PDE11A: variants seen among roughly 807,000 people sequenced by gnomAD.
PDE11A encodes the protein dual 3',5'-cyclic-AMP and -GMP phosphodiesterase 11A.
PDE11A carries 100 observed loss-of-function variants against 100.5 expected under a neutral mutation model. The ratio of observed to expected loss-of-function variants is 1.00; its 90% CI spans 0.85 to 1.18. The LOEUF (loss-of-function observed/expected upper bound fraction) is 1.18. Among genes scored for constraint, PDE11A ranks in the 50% most tolerant of loss-of-function variants. The pLI is 0.00. For missense variants in PDE11A, 1,141 were observed against 1,152.6 expected (o/e 0.99, Z 0.15); for synonymous variants, 381 against 420.8 (o/e 0.91, Z 1.16).
At chr2:177,693,160 C>G (rs934239794) in intron 15 of PDE11A, among the ~76,000 whole-genome samples, 1 of 152,224 alleles carries the variant, frequency 6.6e-6, no homozygotes, top group Non-Finnish European at 1.5e-5. Flanking sequence ...ACCCACCCCT[C>G]TCCTGCCATT....
At chr2:178,083,723 C>T (rs1328037447) in intron 2 of PDE11A, among the ~76,000 whole-genome samples, 1 of 152,144 alleles carries the variant, frequency 6.6e-6, no homozygotes, top group African/African-American at 2.4e-5. Context: ...TAATAACTTC[C>T]TATGCAGGAA....
At chr2:177,925,918 G>A (rs114543449) in intron 2 of PDE11A, among the ~76,000 whole-genome samples, 1,730 of 152,284 alleles carry the variant, frequency 0.011, 33 homozygotes, top group African/African-American at 0.039. Context: ...TTGCAGAGGG[G>A]GAGAATCAGG....
intron 15 of PDE11A, among the ~76,000 whole-genome samples, chr2:177,696,030 A>G (rs1292348286): frequency 6.6e-6 from 1 of 152,210 alleles, no homozygotes; most frequent in Non-Finnish European, 1.5e-5. Flanking sequence ...AGGGTGTTCC[A>G]AAGGGTAATG....
chr2:177,885,667 G>C (rs572651106), intron 4 of PDE11A, among the ~76,000 whole-genome samples: 1 of 152,150 alleles, frequency 6.6e-6, no homozygotes, highest in Non-Finnish European at 1.5e-5. Context: ...CAAAGGCTGA[G>C]GCAATTTTTG....
intron 1 of PDE11A, among the ~76,000 whole-genome samples, chr2:178,066,969 GC>G (rs1300365517): frequency 6.6e-6 from 1 of 152,002 alleles, no homozygotes; most frequent in Non-Finnish European, 1.5e-5. Flanking sequence ...AGATTATGTA[GC>G]TGGCCCTACT....
At position 178,071,729 on chromosome 2, in the gene PDE11A, G is replaced by A. The variant is rs1220166457; in HGVS notation, c.709C>T (p.Arg237Cys). ...IFVCLMVDAD[R>C]CSLFLVEGAA... ...CCTTCCACCAGGAAAAGAGAGCAGCGGTCAGCATCCACCATAAGGCAGACA... is the reference window on the plus strand; with the variant it reads ...CCTTCCACCAGGAAAAGAGAGCAGCAGTCAGCATCCACCATAAGGCAGACA... Residue 237 changes from arginine (R) to cysteine (C), a missense_variant, in exon 1 of 20, where the codon CGC becomes TGC. Physicochemically the swap from Arg to Cys is radical, Grantham distance 180. Transcript: ENST00000286063. 1 of 1,614,018 alleles carries A rather than the reference G, an allele frequency of 6.2e-7. No individual in the cohort carries two copies. Among genetic ancestry groups the A allele is most frequent in the East Asian group, 2.2e-5 (1 of 44,880 alleles).
chr2:177,759,512 C>G (rs2082140910), intron 10 of PDE11A, among the ~76,000 whole-genome samples: 1 of 152,188 alleles, frequency 6.6e-6, no homozygotes, highest in Non-Finnish European at 1.5e-5. Flanking sequence ...AATCTCATAT[C>G]CTTGTTATCT....
At chr2:178,004,632 A>C (rs554680801) in intron 2 of PDE11A, among the ~76,000 whole-genome samples, 1 of 152,328 alleles carries the variant, frequency 6.6e-6, no homozygotes, top group African/African-American at 2.4e-5. Context: ...AAATCAGAGA[A>C]GAGTTTATAA....
chr2:177,945,843 C>CG (rs2085413834), intron 2 of PDE11A, among the ~76,000 whole-genome samples: 7 of 93,434 alleles, frequency 7.5e-5, no homozygotes, highest in Middle Eastern at 5.5e-3. Context: ...GTCAGCCCCC[C>CG]GCCTGGCCAG....
chr2:177,917,412 C>T (rs1361194851), intron 2 of PDE11A, among the ~76,000 whole-genome samples: 1 of 152,186 alleles, frequency 6.6e-6, no homozygotes, highest in Non-Finnish European at 1.5e-5. Context: ...TCCTTTCATC[C>T]TTGCAATGTG....
intron 2 of PDE11A, among the ~76,000 whole-genome samples, chr2:177,913,123 G>A (rs114246509): frequency 0.02 from 3,040 of 152,248 alleles, 71 homozygotes; most frequent in Non-Finnish European, 0.023. Flanking sequence ...TATACCTCAA[G>A]AAAGTTTTAA....
intron 2 of PDE11A, among the ~76,000 whole-genome samples, chr2:177,930,111 C>T (rs1401113384): frequency 3.3e-5 from 5 of 151,866 alleles, no homozygotes; most frequent in Admixed American, 6.6e-5. Flanking sequence ...TTCAATTGAT[C>T]GATTAATTAT....
At chr2:177,750,954 G>A (rs2082017437) in intron 10 of PDE11A, among the ~76,000 whole-genome samples, 1 of 152,046 alleles carries the variant, frequency 6.6e-6, no homozygotes, top group Non-Finnish European at 1.5e-5. Flanking sequence ...CTGGCCCACT[G>A]CCCAACATTT....
intron 1 of PDE11A, among the ~76,000 whole-genome samples, chr2:178,061,784 C>T (rs1007803027): frequency 5.9e-5 from 9 of 152,082 alleles, no homozygotes; most frequent in African/African-American, 2.2e-4. Flanking sequence ...ATTAATATTG[C>T]TATATTGCTA....
intron 1 of PDE11A, among the ~76,000 whole-genome samples, chr2:178,048,187 T>C (rs2086776601): frequency 6.6e-6 from 1 of 152,080 alleles, no homozygotes; most frequent in African/African-American, 2.4e-5. Flanking sequence ...AGATTGGAGA[T>C]TGTTTTATGG....
intron 9 of PDE11A, among the ~76,000 whole-genome samples, chr2:177,783,154 T>G (rs2082477465): frequency 6.6e-6 from 1 of 152,214 alleles, no homozygotes; most frequent in Non-Finnish European, 1.5e-5. Context: ...TCTTCATTTC[T>G]CATACAGAAT....
intron 2 of PDE11A, among the ~76,000 whole-genome samples, chr2:177,957,890 T>C (rs1310376685): frequency 7.2e-6 from 1 of 139,776 alleles, no homozygotes; most frequent in African/African-American, 2.7e-5. Flanking sequence ...CTCTATCCTT[T>C]ACCTTTGTTT....
At chr2:177,892,821 C>T (rs1476598462) in intron 4 of PDE11A, among the ~76,000 whole-genome samples, 1 of 152,230 alleles carries the variant, frequency 6.6e-6, no homozygotes, top group Non-Finnish European at 1.5e-5. Context: ...GTCCCTTCCT[C>T]ATCCTGACAG....
chr2:177,631,077 T>C (rs2105430278), intron 19 of PDE11A, among the ~76,000 whole-genome samples: 1 of 152,162 alleles, frequency 6.6e-6, no homozygotes, highest in South Asian at 2.1e-4. Context: ...TATAATCTCA[T>C]AACTCAAGAG....
Sources: gnomAD v4.1 joint callset for allele counts (sites outside exome capture counted in the v4.1 genomes callset) on GRCh38, gnomAD v4.1.1 for gene constraint, MANE v1.5 for transcripts, NCBI Gene and HGNC (gene_info 2026-07-23, HGNC 2026-07-21) for gene names.